The following GPR161 variants were observed in gnomAD, a reference collection of about 807,000 sequenced individuals.
GPR161 encodes G protein-coupled receptor 161, also known as G-protein coupled receptor RE2.
In GPR161, 25 loss-of-function variants were observed where a neutral mutation model predicts 39.2. The ratio of observed to expected loss-of-function variants is 0.64; its 90% CI spans 0.47 to 0.89. The LOEUF (loss-of-function observed/expected upper bound fraction) is 0.89, where lower values mean the gene tolerates loss of function less well. Ranked by LOEUF, GPR161 falls within the 40% of genes least tolerant of loss-of-function variation. GPR161 has a pLI of 0.00. For missense variants in GPR161, 547 were observed against 677.8 expected, an observed-to-expected ratio of 0.81 and a Z score of 2.14; for synonymous variants, 286 against 276.6, an observed-to-expected ratio of 1.03 and a Z score of -0.34.
At chr1:168,093,113 T>A (rs1286258590) in intron 3 of GPR161, among the ~76,000 whole-genome samples, 1 of 152,186 alleles carries the variant, frequency 6.6e-6, no homozygotes, top group Non-Finnish European at 1.5e-5. Context: ...CAGCTTTGTA[T>A]TGGTGCTTTA....
chr1:168,116,068 C>T (rs372891258), intron 1 of GPR161, among the ~76,000 whole-genome samples: 1 of 152,180 alleles, frequency 6.6e-6, no homozygotes, highest in Non-Finnish European at 1.5e-5. Flanking sequence ...TGAGCCACCA[C>T]GCCCAGCCTG....
intron 3 of GPR161, among the ~76,000 whole-genome samples, chr1:168,092,904 G>C (rs773877410): frequency 6.6e-6 from 1 of 152,138 alleles, no homozygotes; most frequent in African/African-American, 2.4e-5. Flanking sequence ...CAAGGGTCTC[G>C]TAAGGGCGGC....
rs892654698 is a variant in GPR161 at position 168,136,703 on chromosome 1, C to G, written c.-45+36G>C. Reference sequence around the variant, plus strand: ...GCTCCATCCGGACCGCCCTCTCCGCCCGGGCCCGCGCCCGCGCCCCACGCC... The same window carrying G: ...GCTCCATCCGGACCGCCCTCTCCGCGCGGGCCCGCGCCCGCGCCCCACGCC... On this transcript the variant is annotated intron_variant, in intron 1 of 5. Coordinates refer to ENST00000682931, the MANE Select transcript of GPR161 (RefSeq NM_001375883.1). The G allele has an allele frequency of 2.8e-6, 3 of 1,061,852 alleles. No homozygotes were observed. The African/African-American group carries it at 5.0e-5, about 18-fold the overall frequency. The allele number at this position is 1,061,852 out of a possible 1,614,324, so 65.8% of individuals were successfully genotyped here.
chr1:168,131,570 G>A (rs905557815), intron 1 of GPR161, among the ~76,000 whole-genome samples: 3 of 152,012 alleles, frequency 2.0e-5, no homozygotes, highest in Non-Finnish European at 4.4e-5. Context: ...ATAAATAAAG[G>A]AAAAGCAGAA....
intron 3 of GPR161, among the ~76,000 whole-genome samples, chr1:168,094,732 C>T (rs192296331): frequency 1.2e-4 from 19 of 152,328 alleles, no homozygotes; most frequent in African/African-American, 3.8e-4. Context: ...GTAGTCCAAG[C>T]TGAATGTTCT....
Position 168,085,380 on chromosome 1 carries a change from G to T in GPR161, c.*151C>A. 1.5e-6 allele frequency: 1 copy of T among 680,282 alleles called. No individual in the cohort carries two copies. Among genetic ancestry groups the T allele is most frequent in the Non-Finnish European group, 2.5e-6 (1 of 393,412 alleles). 42.1% of individuals were successfully genotyped at this position (680,282 alleles called of 1,614,324 possible). A position where few individuals can be genotyped will look rare whatever the true frequency, so the allele number is the denominator to read the frequency against. ...ACTGTAGACATTATTTTCAGTCCTT[G>T]TCCTGGTGGCTGCATACCAGATGCT... On this transcript the variant is annotated 3_prime_UTR_variant, in exon 6 of 6. Coordinates refer to ENST00000682931, the MANE Select transcript of GPR161 (RefSeq NM_001375883.1).
chr1:168,089,228 C>A (rs996981791), intron 4 of GPR161: 5 of 151,798 alleles, frequency 3.3e-5, no homozygotes, highest in African/African-American at 1.2e-4. Flanking sequence ...TGTTGCAGTG[C>A]CTCTGGATCC....
rs1694209391 is a variant in GPR161 at position 168,083,404 on chromosome 1, C to T, written c.*2127G>A. 6.6e-6 allele frequency: 1 copy of T among 152,208 alleles called. No homozygotes were observed. Among genetic ancestry groups the T allele is most frequent in the Non-Finnish European group, 1.5e-5 (1 of 68,074 alleles). 9.4% of individuals were successfully genotyped at this position (152,208 alleles called of 1,614,324 possible). ...AGTCTAGTACAGTCAGGGGAACATT[C>T]TCCAACCCTTGCGTTTCAAAGCCAA... On this transcript the variant is annotated 3_prime_UTR_variant, in exon 6 of 6. Transcript: ENST00000682931.
At chr1:168,088,795 T>C (rs1164024743) in intron 4 of GPR161, 1 of 152,214 alleles carries the variant, frequency 6.6e-6, no homozygotes, top group Admixed American at 6.5e-5. Context: ...CCGAAGCCCA[T>C]GCTCTTTCTT....
intron 1 of GPR161, among the ~76,000 whole-genome samples, chr1:168,107,404 G>A (rs950144508): frequency 2.6e-4 from 39 of 152,130 alleles, no homozygotes; most frequent in Admixed American, 1.3e-4. Flanking sequence ...ATGGAATAAC[G>A]CATTCATGGA....
intron 1 of GPR161, among the ~76,000 whole-genome samples, chr1:168,121,867 T>C (rs1276118960): frequency 5.3e-5 from 8 of 152,346 alleles, no homozygotes; most frequent in Admixed American, 4.6e-4. Context: ...CACTGGCTCA[T>C]GGCCATCCTG....
At chr1:168,121,082 C>T (rs1434655249) in intron 1 of GPR161, among the ~76,000 whole-genome samples, 1 of 152,124 alleles carries the variant, frequency 6.6e-6, no homozygotes, top group Non-Finnish European at 1.5e-5. Context: ...CAGCTATTTC[C>T]ACAGCTTCTC....
Position 168,080,051 on chromosome 1 carries a change from G to A in GPR161, c.*5480C>T, listed in dbSNP as rs1042189392. 3 of 152,154 alleles carry A rather than the reference G, an allele frequency of 2.0e-5. No homozygotes were observed. Among genetic ancestry groups the A allele is most frequent in the African/African-American group, 7.2e-5 (3 of 41,414 alleles). 9.4% of individuals were successfully genotyped at this position (152,154 alleles called of 1,614,324 possible). On this transcript the variant is annotated 3_prime_UTR_variant, in exon 6 of 6. Coordinates refer to ENST00000682931, the MANE Select transcript of GPR161 (RefSeq NM_001375883.1). ...AATTGTGCTTTTGTAATCTTGTGCA[G>A]ATTTGAGTTTGTGCTTTGATGTTTT...
chr1:168,120,653 C>A (rs185198807), intron 1 of GPR161, among the ~76,000 whole-genome samples: 3 of 152,040 alleles, frequency 2.0e-5, no homozygotes, highest in Non-Finnish European at 4.4e-5. Context: ...CCCCACATGT[C>A]GAGAGAGGGA....
chr1:168,090,266 T>C (rs1694921955), intron 4 of GPR161, among the ~76,000 whole-genome samples: 1 of 152,124 alleles, frequency 6.6e-6, no homozygotes, highest in Non-Finnish European at 1.5e-5. Flanking sequence ...ATCATCACAA[T>C]CATTTCTCAT....
intron 1 of GPR161, among the ~76,000 whole-genome samples, chr1:168,131,231 A>C (rs1418065499): frequency 6.9e-6 from 1 of 144,602 alleles, no homozygotes; most frequent in Non-Finnish European, 1.5e-5. Flanking sequence ...CTTACCCCCC[A>C]CACCAATCTC....
chr1:168,119,835 C>T (rs867992107), intron 1 of GPR161, among the ~76,000 whole-genome samples: 4 of 152,036 alleles, frequency 2.6e-5, no homozygotes, highest in South Asian at 4.1e-4. Flanking sequence ...GCAGCTTCCA[C>T]GTAGTGTTGG....
intron 1 of GPR161, among the ~76,000 whole-genome samples, chr1:168,117,311 G>T (rs1697714687): frequency 6.6e-6 from 1 of 152,098 alleles, no homozygotes; most frequent in African/African-American, 2.4e-5. Context: ...TGCAATATAT[G>T]ACATACTATT....
At chr1:168,100,074 G>A (rs926150783) in intron 2 of GPR161, among the ~76,000 whole-genome samples, 3 of 151,818 alleles carry the variant, frequency 2.0e-5, no homozygotes, top group Non-Finnish European at 2.9e-5. Context: ...GTATAGTGGT[G>A]TGTGCCTGTA....
Sources: allele counts gnomAD v4.1 joint callset (sites outside exome capture counted in the v4.1 genomes callset), GRCh38; gene constraint gnomAD v4.1.1; transcripts MANE v1.5; gene names NCBI Gene and HGNC (gene_info 2026-07-23, HGNC 2026-07-21).